GRM7: variants seen among roughly 807,000 people sequenced by gnomAD.
The protein encoded by GRM7 is metabotropic glutamate receptor 7.
GRM7 carries 35 observed loss-of-function variants against 84.5 expected under a neutral mutation model. The observed-to-expected ratio is 0.41, with a 90% CI of 0.32 to 0.55. GRM7 has a LOEUF of 0.55. Among genes scored for constraint, GRM7 ranks in the 20% least tolerant of loss-of-function variants. The pLI is 0.19. For synonymous variants in GRM7, 487 were observed against 455.1 expected (o/e 1.07, Z -0.89); for missense variants, 1,003 against 1,194.6 (o/e 0.84, Z 2.36).
chr3:7,066,869 T>C (rs1697684024), intron 1 of GRM7, among the ~76,000 whole-genome samples: 2 of 151,922 alleles, frequency 1.3e-5, no homozygotes, highest in African/African-American at 4.8e-5. Context: ...TGATTTAACA[T>C]ACGCAAGTCA....
At chr3:7,294,908 C>T (rs1372284224) in intron 2 of GRM7, among the ~76,000 whole-genome samples, 7 of 152,200 alleles carry the variant, frequency 4.6e-5, no homozygotes, top group Non-Finnish European at 8.8e-5. Context: ...TTTATATATA[C>T]TGGATACATT....
At position 7,640,081 on chromosome 3, in the gene GRM7, A is replaced by G. The variant is rs201022894; in HGVS notation, c.2452-39968A>G. On this transcript the variant is annotated intron_variant, in intron 8 of 9. Coordinates refer to ENST00000357716, the MANE Select transcript of GRM7 (RefSeq NM_000844.4). Reference sequence around the variant, plus strand: ...ACATTTTATAAGACATCCTTGCCTAACAAATGACCTCTTTTGGGCAAGGTT... The same window carrying G: ...ACATTTTATAAGACATCCTTGCCTAGCAAATGACCTCTTTTGGGCAAGGTT... Among the ~76,000 whole-genome samples the G allele has an allele frequency of 7.2e-5, 11 of 152,296 alleles. No homozygotes were observed. The East Asian group carries it at 2.1e-3, about 29-fold the overall frequency.
At chr3:7,048,444 T>A (rs764136801) in intron 1 of GRM7, among the ~76,000 whole-genome samples, 2 of 151,980 alleles carry the variant, frequency 1.3e-5, no homozygotes, top group Admixed American at 1.3e-4. Flanking sequence ...AATTGATGTT[T>A]GTATTTTTGT....
chr3:6,917,218 ATAT>A lies in GRM7; in HGVS notation c.519+55315_519+55317del, dbSNP rs557341636. Among the ~76,000 whole-genome samples, 1,030 of 152,222 alleles carry A rather than the reference ATAT, an allele frequency of 6.8e-3. 10 individuals carry two copies. The highest frequency in any genetic ancestry group is 0.023 in the African/African-American group (972 of 41,538). On this transcript the variant is annotated intron_variant, in intron 1 of 9. Coordinates refer to ENST00000357716, the MANE Select transcript of GRM7 (RefSeq NM_000844.4). ...TACCCAGCATTTAGCGTCTATATAA[ATAT>A]TATATATTGTAGTTATATGGTATTG...
intron 4 of GRM7, among the ~76,000 whole-genome samples, chr3:7,398,170 C>T (rs1245157329): frequency 6.6e-6 from 1 of 152,092 alleles, no homozygotes; most frequent in African/African-American, 2.4e-5. Flanking sequence ...TTTAAAATGT[C>T]TTTTCTGAAG....
intron 1 of GRM7, among the ~76,000 whole-genome samples, chr3:7,007,568 A>C (rs1051519765): frequency 6.6e-6 from 1 of 152,140 alleles, no homozygotes; most frequent in Non-Finnish European, 1.5e-5. Flanking sequence ...CAGACACCGC[A>C]CCAATGCCTG....
At chr3:7,330,456 G>A (rs7640373) in intron 4 of GRM7, among the ~76,000 whole-genome samples, 109,117 of 151,934 alleles carry the variant, frequency 0.72, 39,315 homozygotes, top group South Asian at 0.8. Flanking sequence ...CCTTTTTAAT[G>A]TGGTTCGGCT....
At chr3:7,331,575 A>G (rs1404191971) in intron 4 of GRM7, among the ~76,000 whole-genome samples, 2 of 152,174 alleles carry the variant, frequency 1.3e-5, no homozygotes, top group Non-Finnish European at 2.9e-5. Flanking sequence ...AGATAGCAGC[A>G]TGGACCCTAT....
chr3:6,884,707 C>T (rs987566311), intron 1 of GRM7, among the ~76,000 whole-genome samples: 1 of 151,990 alleles, frequency 6.6e-6, no homozygotes, highest in Admixed American at 6.6e-5. Flanking sequence ...TCAAGCAATT[C>T]TCCTGCCTCA....
intron 2 of GRM7, among the ~76,000 whole-genome samples, chr3:7,199,201 C>G (rs969798042): frequency 2.0e-4 from 30 of 152,162 alleles, no homozygotes; most frequent in African/African-American, 7.2e-4. Context: ...GCCTGGTAGC[C>G]TCTGCTTTCT....
intron 8 of GRM7, among the ~76,000 whole-genome samples, chr3:7,594,938 CTG>C (rs3840238): frequency 0.3 from 45,474 of 149,696 alleles, 7,153 homozygotes; most frequent in African/African-American, 0.4. Context: ...GTCTTCCTTT[CTG>C]TGTGTGTGTG....
At chr3:7,178,843 G>A (rs1286445294) in intron 2 of GRM7, among the ~76,000 whole-genome samples, 1 of 152,124 alleles carries the variant, frequency 6.6e-6, no homozygotes, top group Non-Finnish European at 1.5e-5. Context: ...CACTTTGGGA[G>A]GCCGAGGTGG....
At chr3:7,352,313 G>A (rs1001209867) in intron 4 of GRM7, among the ~76,000 whole-genome samples, 1 of 152,054 alleles carries the variant, frequency 6.6e-6, no homozygotes, top group African/African-American at 2.4e-5. Context: ...AAGGAGTTCA[G>A]TGACTCTATA....
intron 2 of GRM7, among the ~76,000 whole-genome samples, chr3:7,233,102 G>A (rs1046886103): frequency 2.0e-5 from 3 of 152,092 alleles, no homozygotes; most frequent in African/African-American, 7.2e-5. Flanking sequence ...TATATCAAAG[G>A]ATATTTTTCT....
intron 1 of GRM7, among the ~76,000 whole-genome samples, chr3:7,026,013 C>A (rs1400999557): frequency 4.6e-5 from 7 of 152,190 alleles, no homozygotes; most frequent in Non-Finnish European, 1.0e-4. Flanking sequence ...CATCCCCCAA[C>A]ACCCCTGACA....
At chr3:7,322,293 A>AT (rs1431415250) in intron 4 of GRM7, among the ~76,000 whole-genome samples, 1 of 88 alleles carries the variant, frequency 0.011, no homozygotes, top group Non-Finnish European at 0.019. Context: ...CTTGGGTTAA[A>AT]CATTTGCCCA....
intron 5 of GRM7, among the ~76,000 whole-genome samples, chr3:7,444,389 G>C (rs1392235710): frequency 6.6e-6 from 1 of 152,200 alleles, no homozygotes; most frequent in Non-Finnish European, 1.5e-5. Context: ...AGAAAGCTTA[G>C]GAGAAGGAAA....
intron 1 of GRM7, among the ~76,000 whole-genome samples, chr3:6,972,908 C>T (rs1242441568): frequency 6.6e-6 from 1 of 152,206 alleles, no homozygotes; most frequent in Non-Finnish European, 1.5e-5. Context: ...TGAGGAATCT[C>T]AGTGGCACAT....
At chr3:7,642,453 C>T (rs1243668100) in intron 8 of GRM7, among the ~76,000 whole-genome samples, 1 of 152,074 alleles carries the variant, frequency 6.6e-6, no homozygotes, top group African/African-American at 2.4e-5. Flanking sequence ...ATGGTTAAAA[C>T]CTGGTGTTTT....
Sources: allele counts gnomAD v4.1 joint callset (sites outside exome capture counted in the v4.1 genomes callset), GRCh38; gene constraint gnomAD v4.1.1; transcripts MANE v1.5; gene names NCBI Gene and HGNC (gene_info 2026-07-23, HGNC 2026-07-21).